Variants in NAALADL2 observed in about 807,000 individuals in gnomAD.
The protein encoded by NAALADL2 is inactive N-acetylated-alpha-linked acidic dipeptidase-like protein 2.
NAALADL2 carries 76 observed loss-of-function variants against 87.2 expected under a neutral mutation model. The observed-to-expected ratio is 0.87, with a 90% CI of 0.72 to 1.05. The LOEUF is 1.05. NAALADL2 is among the 50% of genes least tolerant of loss of function. The probability of loss-of-function intolerance (pLI) is 0.00; values close to 1 mark genes in which losing one functional copy is unlikely to be tolerated. For synonymous variants in NAALADL2, 354 were observed against 331.0 expected (o/e 1.07, Z -0.75); for missense variants, 1,089 against 945.8 (o/e 1.15, Z -1.99).
intron 2 of NAALADL2, among the ~76,000 whole-genome samples, chr3:174,668,209 T>A (rs1276168712): frequency 1.3e-5 from 2 of 152,124 alleles, no homozygotes; most frequent in African/African-American, 2.4e-5. Context: ...ATTGGGCTAC[T>A]TTTTGTAGTT....
Position 174,689,309 on chromosome 3 carries a change from T to C in NAALADL2, c.-114-48332T>C, listed in dbSNP as rs147996042. On this transcript the variant is annotated intron_variant, in intron 2 of 3. Transcript: ENST00000434257. Reference sequence around the variant, plus strand: ...TGCCCTTTTCTATCATCTCTGTTAATTGAAATAGCCCTCAGCCATCAAGAG... The same window carrying C: ...TGCCCTTTTCTATCATCTCTGTTAACTGAAATAGCCCTCAGCCATCAAGAG... Among the ~76,000 whole-genome samples, 245 of 152,064 alleles carry C rather than the reference T, an allele frequency of 1.6e-3. 1 individual carries two copies. In the East Asian group the frequency reaches 0.024, roughly 15 times the overall value.
intron 1 of NAALADL2, among the ~76,000 whole-genome samples, chr3:174,872,006 GA>G (rs1458561910): frequency 6.6e-6 from 1 of 152,138 alleles, no homozygotes; most frequent in East Asian, 1.9e-4. Context: ...TATGGGAGCC[GA>G]AGCAGGAAAT....
At chr3:175,123,533 G>C in intron 2 of NAALADL2, among the ~76,000 whole-genome samples, 1 of 152,004 alleles carries the variant, frequency 6.6e-6, no homozygotes, top group Non-Finnish European at 1.5e-5. Context: ...ATGGCTTCAG[G>C]TCATGACCTG....
chr3:174,595,577 C>T (rs1321176430), intron 2 of NAALADL2, among the ~76,000 whole-genome samples: 5 of 152,180 alleles, frequency 3.3e-5, no homozygotes, highest in Admixed American at 3.3e-4. Context: ...TCCTTTTCTT[C>T]AGCTCATCTT....
chr3:175,159,578 G>A (rs1319126351), intron 2 of NAALADL2, among the ~76,000 whole-genome samples: 4 of 152,106 alleles, frequency 2.6e-5, no homozygotes, highest in African/African-American at 9.7e-5. Flanking sequence ...AATTTATGCA[G>A]TGCATCTGGG....
intron 3 of NAALADL2, among the ~76,000 whole-genome samples, chr3:174,747,390 G>A (rs550075962): frequency 3.0e-4 from 45 of 151,888 alleles, no homozygotes; most frequent in Non-Finnish European, 6.0e-4. Context: ...AACATCTCAC[G>A]CCAGTCAGAA....
chr3:174,548,345 G>GTA (rs1167798245), intron 1 of NAALADL2, among the ~76,000 whole-genome samples: 1 of 152,026 alleles, frequency 6.6e-6, no homozygotes, highest in African/African-American at 2.4e-5. Flanking sequence ...TCACAGTACA[G>GTA]TATAAAGTGG....
At chr3:175,468,912 T>G (rs931129772) in intron 8 of NAALADL2, among the ~76,000 whole-genome samples, 16 of 152,204 alleles carry the variant, frequency 1.1e-4, no homozygotes, top group African/African-American at 3.8e-4. Flanking sequence ...CTTAAGTTTT[T>G]GTGGGGTCAT....
At chr3:174,981,788 C>T (rs541817891) in intron 1 of NAALADL2, among the ~76,000 whole-genome samples, 5 of 152,168 alleles carry the variant, frequency 3.3e-5, no homozygotes, top group Admixed American at 6.5e-5. Context: ...CAGTACTCAC[C>T]TACCTTTTGT....
rs535878853 is a variant in NAALADL2, at chr3:175,722,023, T to C, written c.1897-15283T>C. 2.0e-5 allele frequency among the ~76,000 whole-genome samples: 3 copies of C among 152,210 alleles called. No individual in the cohort carries two copies. In the East Asian group the frequency reaches 5.8e-4, roughly 29 times the overall value. On this transcript the variant is annotated intron_variant, in intron 11 of 13. Transcript: ENST00000454872. ...TATTTTCATCATACACATGCACACATACCCACACACCATCAATTTGGATTC... is the reference window on the plus strand; with the variant it reads ...TATTTTCATCATACACATGCACACACACCCACACACCATCAATTTGGATTC...
rs150192254 is a variant in NAALADL2 at position 175,778,790 on chromosome 3, G to C, written c.2189+23372G>C. Among the ~76,000 whole-genome samples the C allele has an allele frequency of 4.7e-3, 717 of 152,216 alleles. 3 individuals carry two copies. The highest frequency in any genetic ancestry group is 0.016 in the African/African-American group (678 of 41,530). On this transcript the variant is annotated intron_variant, in intron 13 of 13. Coordinates refer to ENST00000454872, the MANE Select transcript of NAALADL2 (RefSeq NM_207015.3). ...TAGATCATGGAGAGAGAGAATGGTG[G>C]TGATGGGCCAGGAAGCTTGTCTTGT...
chr3:174,733,551 T>G (rs973863601), intron 2 of NAALADL2, among the ~76,000 whole-genome samples: 3 of 152,234 alleles, frequency 2.0e-5, no homozygotes, highest in Non-Finnish European at 2.9e-5. Flanking sequence ...GCATTTCTTG[T>G]GATTTGTAGC....
At chr3:174,802,028 AT>A (rs1718898219) in intron 3 of NAALADL2, among the ~76,000 whole-genome samples, 1 of 152,106 alleles carries the variant, frequency 6.6e-6, no homozygotes, top group East Asian at 1.9e-4. Context: ...AAATACCACA[AT>A]TGGCATTTTC....
At chr3:174,866,542 G>T (rs1579267614) in intron 1 of NAALADL2, among the ~76,000 whole-genome samples, 1 of 151,626 alleles carries the variant, frequency 6.6e-6, no homozygotes, top group East Asian at 1.9e-4. Context: ...TAAAATTTAG[G>T]CTTCTATATA....
intron 1 of NAALADL2, among the ~76,000 whole-genome samples, chr3:174,923,199 T>C (rs1183159092): frequency 1.3e-5 from 2 of 152,078 alleles, no homozygotes; most frequent in Non-Finnish European, 2.9e-5. Context: ...CAGAAACCAA[T>C]AGCCAATTTT....
At chr3:174,987,757 G>A (rs1338373624) in intron 1 of NAALADL2, among the ~76,000 whole-genome samples, 2 of 142,120 alleles carry the variant, frequency 1.4e-5, no homozygotes, top group South Asian at 2.2e-4. Flanking sequence ...CTTCTGAGTA[G>A]CTAGGACCCC....
rs1715557271 is a variant in NAALADL2 at position 174,452,531 on chromosome 3, T to TC, written c.-184+11499_-184+11500insC. 2.6e-5 allele frequency among the ~76,000 whole-genome samples: 4 copies of TC among 151,112 alleles called. No homozygotes were observed. The East Asian group carries it at 6.0e-4, about 23-fold the overall frequency. ...GCACCACCCATCGGTGTATAGTGAC[T>TC]GGTGGTCTGAGAGTACCTTAGCCCC... is the stretch of plus-strand genomic sequence containing the variant. On this transcript the variant is annotated intron_variant, in intron 1 of 3. Transcript: ENST00000434257.
At chr3:175,500,673 A>G (rs935050186) in intron 9 of NAALADL2, among the ~76,000 whole-genome samples, 1 of 152,082 alleles carries the variant, frequency 6.6e-6, no homozygotes, top group Non-Finnish European at 1.5e-5. Context: ...AAGTACTTTA[A>G]TCTTCTTAAC....
At chr3:174,622,913 G>A (rs1030347355) in intron 2 of NAALADL2, among the ~76,000 whole-genome samples, 3 of 152,152 alleles carry the variant, frequency 2.0e-5, no homozygotes, top group Non-Finnish European at 2.9e-5. Flanking sequence ...CGTGGTGGCA[G>A]GCACCTATAG....
Sources: allele counts gnomAD v4.1 joint callset (sites outside exome capture counted in the v4.1 genomes callset), GRCh38; gene constraint gnomAD v4.1.1; transcripts MANE v1.5; gene names NCBI Gene and HGNC (gene_info 2026-07-23, HGNC 2026-07-21).